The following SLC26A5 variants were observed in gnomAD, a reference collection of about 807,000 sequenced individuals.
SLC26A5 encodes the protein prestin.
Under a neutral mutation model 81.0 loss-of-function variants are expected in SLC26A5, and 51 were observed. The ratio of observed to expected loss-of-function variants is 0.63; its 90% CI spans 0.50 to 0.80. SLC26A5 has a LOEUF of 0.80. SLC26A5 is among the 30% of genes least tolerant of loss of function. The pLI is 0.00. For synonymous variants in SLC26A5, 325 were observed against 332.8 expected, an observed-to-expected ratio of 0.98 and a Z score of 0.25; for missense variants, 771 against 905.8, an observed-to-expected ratio of 0.85 and a Z score of 1.91.
intron 8 of SLC26A5, among the ~76,000 whole-genome samples, chr7:103,399,633 T>C (rs958576246): frequency 3.3e-5 from 5 of 152,200 alleles, no homozygotes; most frequent in Non-Finnish European, 7.3e-5. Flanking sequence ...ATGTGCAGGT[T>C]ACATACATAC....
chr7:103,437,400 CTACCA>C (rs1826527087), intron 2 of SLC26A5, among the ~76,000 whole-genome samples: 1 of 152,144 alleles, frequency 6.6e-6, no homozygotes, highest in Non-Finnish European at 1.5e-5. Flanking sequence ...GAAAATAGAA[CTACCA>C]TATGATCCAA....
At chr7:103,403,839 TC>T (rs1823806857) in intron 8 of SLC26A5, among the ~76,000 whole-genome samples, 1 of 152,156 alleles carries the variant, frequency 6.6e-6, no homozygotes, top group Non-Finnish European at 1.5e-5. Flanking sequence ...AATTTGCCAA[TC>T]TGTGTCTTTC....
At chr7:103,389,201 T>C in intron 13 of SLC26A5, 87 bp from the exon 14 acceptor site, 2 of 1,201,220 alleles carry the variant, frequency 1.7e-6, no homozygotes, top group South Asian at 2.5e-5. Context: ...ACACACATGC[T>C]ACTTTTACCT....
At chr7:103,412,903 T>G in intron 5 of SLC26A5, 99 bp downstream of exon 5, 1 of 921,304 alleles carries the variant, frequency 1.1e-6, no homozygotes, top group South Asian at 1.4e-5. Context: ...AAGTTGTTAT[T>G]AAGACAATTT....
chr7:103,411,241 G>A (rs1444587991), intron 6 of SLC26A5, among the ~76,000 whole-genome samples, 179 bp downstream of exon 6: 3 of 152,176 alleles, frequency 2.0e-5, no homozygotes, highest in Admixed American at 6.5e-5. Flanking sequence ...CCTGAAGCTT[G>A]CTTGCTCGTC....
Position 103,444,681 on chromosome 7 carries a change from A to G in SLC26A5, c.-183+1417T>C, listed in dbSNP as rs1827145791. Among the ~76,000 whole-genome samples the G allele has an allele frequency of 2.6e-5, 4 of 152,376 alleles. No individual in the cohort carries two copies. In the South Asian group the frequency reaches 8.3e-4, roughly 32 times the overall value. On this transcript the variant is annotated intron_variant, in intron 1 of 19. Coordinates refer to ENST00000306312, the MANE Select transcript of SLC26A5 (RefSeq NM_198999.3). ...CTGTATAGTTTCAGAGTAGTTAAAG[A>G]GAGAAAAAAAGAAATGCTACATAAG...
intron 19 of SLC26A5, among the ~76,000 whole-genome samples, chr7:103,353,596 C>T (rs532259568): frequency 3.3e-5 from 5 of 152,276 alleles, no homozygotes; most frequent in Non-Finnish European, 5.9e-5. Flanking sequence ...CAGGAGCCAC[C>T]GCACGGGGCC....
chr7:103,375,672 G>A (rs62482411), intron 19 of SLC26A5, among the ~76,000 whole-genome samples: 12,242 of 152,072 alleles, frequency 0.081, 695 homozygotes, highest in South Asian at 0.19. Flanking sequence ...AGGCTCAAGC[G>A]ATCCTCCTAC....
chr7:103,404,138 G>A (rs1823836118), intron 8 of SLC26A5, among the ~76,000 whole-genome samples: 1 of 151,878 alleles, frequency 6.6e-6, no homozygotes, highest in Non-Finnish European at 1.5e-5. Flanking sequence ...AACCGAGATC[G>A]CACCATTGCA....
chr7:103,407,750 T>C, intron 8 of SLC26A5, 101 bp downstream of exon 8: 3 of 1,366,082 alleles, frequency 2.2e-6, no homozygotes, highest in South Asian at 2.6e-5. Flanking sequence ...TTTGGCAGAA[T>C]TGAGAGCAAA....
chr7:103,370,617 G>A (rs969706354), downstream of SLC26A5, among the ~76,000 whole-genome samples: 1 of 152,302 alleles, frequency 6.6e-6, no homozygotes, highest in African/African-American at 2.4e-5. Flanking sequence ...CTATTCCAGG[G>A]CTTGAAGAGG....
At chr7:103,395,501 G>GTGTATA (rs1340689211) in intron 9 of SLC26A5, among the ~76,000 whole-genome samples, 24 of 106,656 alleles carry the variant, frequency 2.3e-4, no homozygotes, top group Middle Eastern at 5.4e-3. Flanking sequence ...ATATATGTAT[G>GTGTATA]TATATATATA....
At chr7:103,392,688 C>T in intron 10 of SLC26A5, among the ~76,000 whole-genome samples, 1 of 152,218 alleles carries the variant, frequency 6.6e-6, no homozygotes, top group East Asian at 1.9e-4. Context: ...TGCCATTCTC[C>T]TGCCTCAGCC....
At chr7:103,364,954 C>CGTACATATAT (rs1486934625) in intron 19 of SLC26A5, among the ~76,000 whole-genome samples, 16 of 38,960 alleles carry the variant, frequency 4.1e-4, no homozygotes, top group Admixed American at 1.8e-3. Flanking sequence ...TGTTTGTAGA[C>CGTACATATAT]ATACATATAT....
chr7:103,362,037 A>G, intron 19 of SLC26A5: 1 of 1,613,718 alleles, frequency 6.2e-7, no homozygotes, highest in Non-Finnish European at 8.5e-7. Context: ...TTTGTGGTGG[A>G]CCTTAGTGAT....
intron 8 of SLC26A5, among the ~76,000 whole-genome samples, chr7:103,402,183 T>A (rs1823648303): frequency 6.6e-6 from 1 of 152,118 alleles, no homozygotes; most frequent in African/African-American, 2.4e-5. Context: ...GTGAATCCAT[T>A]TGGTCCTGGA....
intron 2 of SLC26A5, among the ~76,000 whole-genome samples, chr7:103,441,593 G>A (rs1011796152): frequency 1.3e-5 from 2 of 152,288 alleles, no homozygotes; most frequent in Non-Finnish European, 2.9e-5. Flanking sequence ...AGTTGATCAT[G>A]CTTATCCCCT....
At chr7:103,357,272 G>A (rs199848745) in intron 19 of SLC26A5, among the ~76,000 whole-genome samples, 4 of 151,116 alleles carry the variant, frequency 2.6e-5, no homozygotes, top group East Asian at 3.9e-4. Flanking sequence ...GTTGCAGTAA[G>A]CTGAGATTGT....
intron 19 of SLC26A5, chr7:103,362,175 G>A (rs1393216368): frequency 1.3e-6 from 2 of 1,569,308 alleles, no homozygotes; most frequent in African/African-American, 2.8e-5. Flanking sequence ...TGAATAAATG[G>A]ACTGAGTTCC....
Sources: allele counts gnomAD v4.1 joint callset (sites outside exome capture counted in the v4.1 genomes callset), GRCh38; gene constraint gnomAD v4.1.1; transcripts MANE v1.5; gene names NCBI Gene and HGNC (gene_info 2026-07-23, HGNC 2026-07-21).